Variants in IQANK1 observed in about 807,000 individuals in gnomAD.
IQANK1 encodes the protein IQ motif and ankyrin repeat domain-containing protein 1.
Under a neutral mutation model 22.6 loss-of-function variants are expected in IQANK1, and 30 were observed. The ratio of observed to expected loss-of-function variants is 1.33; its 90% confidence interval spans 0.99 to 1.80. The LOEUF is 1.80. Among genes scored for constraint, IQANK1 ranks in the 40% most tolerant of loss-of-function variants. IQANK1 has a pLI of 0.00. For synonymous variants in IQANK1, 122 were observed against 99.6 expected (o/e 1.23, Z -1.34); for missense variants, 275 against 235.2 (o/e 1.17, Z -1.11).
At chr8:143,743,730 A>G (rs1818970707) in intron 3 of IQANK1, 2 of 327,448 alleles carry the variant, frequency 6.1e-6, no homozygotes, top group Non-Finnish European at 1.2e-5. Context: ...GTGCATATTT[A>G]AAAAATGATT....
chr8:143,786,327 A>G (rs782496635), intron 7 of IQANK1, among the ~76,000 whole-genome samples: 11 of 152,198 alleles, frequency 7.2e-5, no homozygotes, highest in Admixed American at 2.0e-4. Context: ...GCTGAAGTCA[A>G]CCTCACTCGG....
At chr8:143,770,492 G>C (rs1554629640) in intron 3 of IQANK1, among the ~76,000 whole-genome samples, 1 of 152,188 alleles carries the variant, frequency 6.6e-6, no homozygotes, top group Non-Finnish European at 1.5e-5. Flanking sequence ...TGGCTGCTCC[G>C]GTCCGTGCCC....
At chr8:143,751,744 ATTTC>A (rs1423289742) in intron 3 of IQANK1, among the ~76,000 whole-genome samples, 2 of 146,236 alleles carry the variant, frequency 1.4e-5, no homozygotes, top group Non-Finnish European at 3.0e-5. Flanking sequence ...TGAGATCTTT[ATTTC>A]TTCTTAACAG....
At chr8:143,789,615 G>C in intron 10 of IQANK1, 87 bp downstream of exon 10, 1 of 1,227,010 alleles carries the variant, frequency 8.1e-7, no homozygotes, top group Non-Finnish European at 1.0e-6. Context: ...CCGCTCCCAG[G>C]CCTGGGGTTT....
At chr8:143,755,309 T>C (rs1163467751) in intron 3 of IQANK1, among the ~76,000 whole-genome samples, 3 of 152,168 alleles carry the variant, frequency 2.0e-5, no homozygotes, top group African/African-American at 7.2e-5. Context: ...GAAAATAAGT[T>C]CCTTAGTCCG....
chr8:143,734,811 A>G (rs1818684094), intron 1 of IQANK1, among the ~76,000 whole-genome samples: 1 of 151,394 alleles, frequency 6.6e-6, no homozygotes, highest in African/African-American at 2.4e-5. Flanking sequence ...GTGCACACCA[A>G]GCCTCATACC....
At chr8:143,754,901 C>T (rs1308504864) in intron 3 of IQANK1, among the ~76,000 whole-genome samples, 1 of 152,148 alleles carries the variant, frequency 6.6e-6, no homozygotes, top group Non-Finnish European at 1.5e-5. Flanking sequence ...GCTGGGATTA[C>T]AGGCGTGAGC....
intron 3 of IQANK1, among the ~76,000 whole-genome samples, chr8:143,749,353 A>C (rs373210006): frequency 1.6e-5 from 2 of 127,782 alleles, no homozygotes; most frequent in Admixed American, 8.6e-5. Flanking sequence ...AAACATAAAT[A>C]TATAAAAATA....
chr8:143,745,302 A>G (rs1325914926), intron 3 of IQANK1: 1 of 152,164 alleles, frequency 6.6e-6, no homozygotes, highest in Non-Finnish European at 1.5e-5. Context: ...CCAGAATCCC[A>G]CATCCCAGTT....
intron 3 of IQANK1, among the ~76,000 whole-genome samples, chr8:143,764,563 C>G (rs1554629084): frequency 3.9e-5 from 6 of 151,958 alleles, no homozygotes; most frequent in Non-Finnish European, 8.8e-5. Context: ...GATGGCGTCA[C>G]TGCACTCCAG....
intron 3 of IQANK1, among the ~76,000 whole-genome samples, chr8:143,760,938 C>T (rs1038309754): frequency 7.6e-4 from 116 of 152,220 alleles, no homozygotes; most frequent in African/African-American, 2.8e-3. Flanking sequence ...ATGGGGTCGA[C>T]TTTGGACTTA....
At position 143,751,625 on chromosome 8, in the gene IQANK1, AGTGTGT is replaced by A. The variant is rs1554628034; in HGVS notation, c.175+11712_175+11717del. 3.5e-3 allele frequency among the ~76,000 whole-genome samples: 332 copies of A among 95,974 alleles called. 4 individuals are homozygous for A. The highest frequency in any genetic ancestry group is 0.011 in the African/African-American group (305 of 26,900). 63.0% of individuals were successfully genotyped at this position (95,974 alleles called of 152,430 possible). A position where few individuals can be genotyped will look rare whatever the true frequency, so the allele number is the denominator to read the frequency against. On this transcript the variant is annotated intron_variant, in intron 3 of 13. Coordinates refer to ENST00000527139, the MANE Select transcript of IQANK1 (RefSeq NM_001381874.1). Reference sequence around the variant, plus strand: ...AGACTTCATCTCAAAAAAAAAAAAAAGTGTGTGTGTGTGTGTGTGTGTGTGTGTGTG... The same window carrying A: ...AGACTTCATCTCAAAAAAAAAAAAAAGTGTGTGTGTGTGTGTGTGTGTGTG...
intron 3 of IQANK1, among the ~76,000 whole-genome samples, chr8:143,763,653 C>T (rs900516580): frequency 5.3e-5 from 8 of 152,228 alleles, no homozygotes; most frequent in African/African-American, 1.9e-4. Context: ...ACCTGCTTCT[C>T]CTTTACCTTC....
chr8:143,770,764 G>A (rs1819556376), intron 3 of IQANK1, among the ~76,000 whole-genome samples: 1 of 152,276 alleles, frequency 6.6e-6, no homozygotes, highest in Non-Finnish European at 1.5e-5. Flanking sequence ...AGCGTTCACT[G>A]TGGCGGAAGC....
chr8:143,787,891 C>G (rs535042272), intron 7 of IQANK1, among the ~76,000 whole-genome samples: 1 of 152,216 alleles, frequency 6.6e-6, no homozygotes, highest in African/African-American at 2.4e-5. Flanking sequence ...CTCCACCTGG[C>G]CCCGTCGCCA....
chr8:143,760,402 A>T (rs1819372209), intron 3 of IQANK1: 1 of 152,130 alleles, frequency 6.6e-6, no homozygotes, highest in East Asian at 1.9e-4. Context: ...TAGGGCTTGC[A>T]CGGTGGCTCA....
At chr8:143,757,979 A>G (rs1819324139) in intron 3 of IQANK1, among the ~76,000 whole-genome samples, 2 of 152,304 alleles carry the variant, frequency 1.3e-5, no homozygotes, top group South Asian at 4.1e-4. Flanking sequence ...ATCAGGATAA[A>G]TTCACCAATA....
intron 3 of IQANK1, among the ~76,000 whole-genome samples, chr8:143,766,587 C>T (rs2129892434): frequency 1.3e-5 from 2 of 152,190 alleles, no homozygotes; most frequent in East Asian, 3.9e-4. Flanking sequence ...AGGAGAATCG[C>T]TTGAACCCGG....
At chr8:143,766,994 G>A (rs1452472007) in intron 3 of IQANK1, among the ~76,000 whole-genome samples, 3 of 152,308 alleles carry the variant, frequency 2.0e-5, no homozygotes, top group East Asian at 1.9e-4. Flanking sequence ...CCATATGCCC[G>A]GGGGCTGTTT....
Sources: gnomAD v4.1 joint callset for allele counts (sites outside exome capture counted in the v4.1 genomes callset) on GRCh38, gnomAD v4.1.1 for gene constraint, MANE v1.5 for transcripts, NCBI Gene and HGNC (gene_info 2026-07-23, HGNC 2026-07-21) for gene names.